The following RSPH3 variants were observed in gnomAD, a reference collection of about 807,000 sequenced individuals.
The protein encoded by RSPH3 is radial spoke head 3, also known as radial spoke head protein 3 homolog.
Under a neutral mutation model 43.8 loss-of-function variants are expected in RSPH3, and 21 were observed. That is an observed-to-expected ratio of 0.48 (90% confidence interval 0.34 to 0.69). The LOEUF (loss-of-function observed/expected upper bound fraction) is 0.69. Among genes scored for constraint, RSPH3 ranks in the 30% least tolerant of loss-of-function variants. The probability of loss-of-function intolerance (pLI) is 0.01; values close to 1 mark genes in which losing one functional copy is unlikely to be tolerated. For missense variants in RSPH3, 487 were observed against 516.0 expected, an observed-to-expected ratio of 0.94 and a Z score of 0.54; for synonymous variants, 173 against 179.8, an observed-to-expected ratio of 0.96 and a Z score of 0.30.
chr6:158,999,452 C>G lies in RSPH3; in HGVS notation c.99G>C (p.Arg33=). Residue 33 remains arginine, a synonymous_variant, in exon 1 of 8, where the codon CGG becomes CGC. Transcript: ENST00000367069. The stretch of plus-strand genomic sequence containing the variant: ...TCACTCACGGCTGCGTCAGGCTGTC[C>G]CGGTAACGGCTGCGCTGGCAGGGCA... The part of the protein sequence containing the change: ...RALPCQRSRY[R]DSLTQPDEEP... 6.6e-7 allele frequency: 1 copy of G among 1,511,038 alleles called. No individual in the cohort carries two copies. Among genetic ancestry groups the G allele is most frequent in the Non-Finnish European group, 8.8e-7 (1 of 1,132,346 alleles). The allele number at this position is 1,511,038 out of a possible 1,614,324, so 93.6% of individuals were successfully genotyped here.
intron 5 of RSPH3, 67 bp downstream of exon 5, chr6:158,982,418 T>A: frequency 1.0e-6 from 1 of 962,252 alleles, no homozygotes; most frequent in South Asian, 1.6e-5. Context: ...TCATCACATG[T>A]AATTTTGAAC....
downstream of RSPH3, among the ~76,000 whole-genome samples, chr6:158,971,273 T>C (rs181809092): frequency 1.3e-5 from 2 of 152,314 alleles, no homozygotes; most frequent in Admixed American, 6.5e-5. Flanking sequence ...CTGTTCTTAC[T>C]AAGATTCAAT....
downstream of RSPH3, among the ~76,000 whole-genome samples, chr6:158,969,917 C>T (rs995269296): frequency 4.6e-5 from 7 of 152,140 alleles, no homozygotes; most frequent in Non-Finnish European, 1.0e-4. Flanking sequence ...CTCATACTTA[C>T]TTTAATTCTT....
intron 2 of RSPH3, 141 bp downstream of exon 2, chr6:158,993,698 A>T: frequency 1.9e-6 from 1 of 522,952 alleles, no homozygotes. Context: ...ATGTCTTTTT[A>T]AAAATTTCAT....
chr6:158,995,668 C>A (rs1295573688), intron 1 of RSPH3, among the ~76,000 whole-genome samples: 1 of 152,154 alleles, frequency 6.6e-6, no homozygotes, highest in Non-Finnish European at 1.5e-5. Flanking sequence ...AATCTTGGCT[C>A]ACTGCAAGCT....
chr6:158,993,973 A>G (rs1377503214), intron 1 of RSPH3, 47 bp from the exon 2 acceptor site: 3 of 956,570 alleles, frequency 3.1e-6, no homozygotes, highest in Non-Finnish European at 1.7e-6. Flanking sequence ...GAGTATTGGT[A>G]TCTATGAAGT....
chr6:158,968,383 T>C (rs150420422), downstream of RSPH3, among the ~76,000 whole-genome samples: 2,636 of 151,898 alleles, frequency 0.017, 33 homozygotes, highest in Non-Finnish European at 0.025. Context: ...TACAGGCATG[T>C]ACCACCATAC....
downstream of RSPH3, among the ~76,000 whole-genome samples, chr6:158,971,488 G>C (rs1430436853): frequency 2.0e-5 from 3 of 152,092 alleles, no homozygotes; most frequent in Non-Finnish European, 4.4e-5. Flanking sequence ...TAAACATGTA[G>C]TCAGGACATG....
At position 158,974,778 on chromosome 6, in the gene RSPH3, T is replaced by A. The variant is rs1777783624; in HGVS notation, c.*2760A>T. 6.6e-6 allele frequency: 1 copy of A among 152,164 alleles called. No individual in the cohort carries two copies. The highest frequency in any genetic ancestry group is 1.5e-5 in the Non-Finnish European group (1 of 68,032). The allele number at this position is 152,164 out of a possible 1,614,324, so 9.4% of individuals were successfully genotyped here. A position where few individuals can be genotyped will look rare whatever the true frequency, so the allele number is the denominator to read the frequency against. The stretch of plus-strand genomic sequence containing the variant: ...GGTCTGGCATCTGCAAAGTGTTTAA[T>A]GGACTGGATCATTCTAAAGGAGAAT... On this transcript the variant is annotated 3_prime_UTR_variant, in exon 8 of 8. Transcript: ENST00000367069.
At chr6:158,984,693 G>A (rs1466422192) in intron 3 of RSPH3, among the ~76,000 whole-genome samples, 2 of 151,658 alleles carry the variant, frequency 1.3e-5, no homozygotes, top group Non-Finnish European at 2.9e-5. Context: ...GTTGGGCATA[G>A]GACTTGGCCA....
chr6:158,975,370 A>T lies in RSPH3; in HGVS notation c.*2168T>A, dbSNP rs1483961995. The stretch of plus-strand genomic sequence containing the variant: ...TTAGTGCAATAATTTATTTTAAATT[A>T]TTCTTTGTACCTCACAAAAACAGCA... On this transcript the variant is annotated 3_prime_UTR_variant, in exon 8 of 8. Transcript: ENST00000367069. 1.3e-5 allele frequency: 2 copies of T among 152,216 alleles called. No individual in the cohort carries two copies. 9.4% of individuals were successfully genotyped at this position (152,216 alleles called of 1,614,324 possible). A position where few individuals can be genotyped will look rare whatever the true frequency, so the allele number is the denominator to read the frequency against.
the RSPH3 span, among the ~76,000 whole-genome samples, chr6:158,966,357 G>A: frequency 6.6e-6 from 1 of 152,134 alleles, no homozygotes; most frequent in Non-Finnish European, 1.5e-5. Flanking sequence ...AATGAGGTGG[G>A]AACTGTTCCC....
rs766757387 is a variant in RSPH3 at position 158,977,604 on chromosome 6, T to C, written c.1191A>G (p.Arg397=). The part of the protein sequence containing the change: ...SSQERKFMEE[R]ELLGQDEETA... ...TTTCTTCATCTTGCCCTAAGAGTTC[T>C]CTCTCTTCCATAAACTTCCTTTCCT... Residue 397 remains arginine (R), a synonymous_variant, in exon 8 of 8, where the codon AGA becomes AGG. Transcript: ENST00000367069. The C allele has an allele frequency of 6.2e-7, 1 of 1,614,124 alleles. No individual in the cohort carries two copies. Among genetic ancestry groups the C allele is most frequent in the Non-Finnish European group, 8.5e-7 (1 of 1,180,024 alleles).
intron 1 of RSPH3, among the ~76,000 whole-genome samples, chr6:158,999,101 A>G (rs1309464905): frequency 6.6e-6 from 1 of 152,230 alleles, no homozygotes; most frequent in Non-Finnish European, 1.5e-5. Context: ...AAGAAAACGT[A>G]TTTGAATGCC....
rs1285313864 is a variant in RSPH3 at position 158,977,749 on chromosome 6, C to T, written c.1046G>A (p.Gly349Glu). Residue 349 changes from glycine (G) to glutamate (E), a missense_variant, in exon 8 of 8, where the codon GGA (glycine) becomes GAA (glutamate). By Grantham distance (98) the Gly-to-Glu change is moderately conservative. Coordinates refer to ENST00000367069, the MANE Select transcript of RSPH3 (RefSeq NM_031924.8). ...GGCCTCCAGTGACTCTGTCATTGCTCCAGGACCACCAGGCTCATCCTCGGG... is the reference window on the plus strand; with the variant it reads ...GGCCTCCAGTGACTCTGTCATTGCTTCAGGACCACCAGGCTCATCCTCGGG... ...PEPEDEPGGP[G>E]AMTESLEASE... 3 of 1,614,000 alleles carry T rather than the reference C, an allele frequency of 1.9e-6. No individual in the cohort carries two copies. Among genetic ancestry groups the T allele is most frequent in the Non-Finnish European group, 1.7e-6 (2 of 1,179,992 alleles).
At chr6:158,967,014 ATT>A in the RSPH3 span, among the ~76,000 whole-genome samples, 2 of 142,498 alleles carry the variant, frequency 1.4e-5, no homozygotes, top group Non-Finnish European at 1.5e-5. Context: ...GGCATATTGT[ATT>A]TTTTTTTTTT....
intron 2 of RSPH3, among the ~76,000 whole-genome samples, chr6:158,988,464 C>T (rs981959861): frequency 9.2e-5 from 14 of 152,190 alleles, no homozygotes; most frequent in Non-Finnish European, 1.9e-4. Flanking sequence ...TTTCTTAAAA[C>T]AAGCTTCCCA....
intron 6 of RSPH3, among the ~76,000 whole-genome samples, chr6:158,979,469 G>A (rs1355776527): frequency 6.6e-6 from 1 of 152,112 alleles, no homozygotes; most frequent in African/African-American, 2.4e-5. Context: ...TGGACTTGGA[G>A]TCTGAGTTCC....
In RSPH3 at chr6:158,999,953, G is replaced by A. The variant is rs1262631996; in HGVS notation, c.-403C>T. On this transcript the variant is annotated 5_prime_UTR_variant, in exon 1 of 8. Coordinates refer to ENST00000367069, the MANE Select transcript of RSPH3 (RefSeq NM_031924.8). ...TTGCGAGGTTCCTGGCTAGGGAGGCGGCCTTGGCTGGCTTGACCGTCATCC... is the reference window on the plus strand; with the variant it reads ...TTGCGAGGTTCCTGGCTAGGGAGGCAGCCTTGGCTGGCTTGACCGTCATCC... The A allele has an allele frequency of 6.2e-7, 1 of 1,602,092 alleles. No homozygotes were observed. Among genetic ancestry groups the A allele is most frequent in the Non-Finnish European group, 8.5e-7 (1 of 1,173,880 alleles).
Sources: allele counts gnomAD v4.1 joint callset (sites outside exome capture counted in the v4.1 genomes callset), GRCh38; gene constraint gnomAD v4.1.1; transcripts MANE v1.5; gene names NCBI Gene and HGNC (gene_info 2026-07-23, HGNC 2026-07-21).